CRISP2: variants seen among roughly 807,000 people sequenced by gnomAD.
CRISP2 encodes cysteine-rich secretory protein 2.
In CRISP2, 29 loss-of-function variants were observed where a neutral mutation model predicts 31.7. The observed-to-expected ratio is 0.92, with a 90% CI of 0.68 to 1.25. The LOEUF (loss-of-function observed/expected upper bound fraction) is 1.25, where lower values mean the gene tolerates loss of function less well. Ranked by LOEUF, CRISP2 falls within the 50% of genes most tolerant of loss-of-function variation. CRISP2 has a pLI of 0.00. For synonymous variants in CRISP2, 111 were observed against 101.4 expected (o/e 1.09, Z -0.57); for missense variants, 318 against 286.5 (o/e 1.11, Z -0.79).
chr6:49,680,075 G>T, the CRISP2 span, among the ~76,000 whole-genome samples: 2 of 152,078 alleles, frequency 1.3e-5, no homozygotes, highest in African/African-American at 2.4e-5. Context: ...ATAGCAGTTT[G>T]TTGTACAGAT....
At chr6:49,711,934 T>A (rs532556872) in intron 2 of CRISP2, among the ~76,000 whole-genome samples, 1 of 152,206 alleles carries the variant, frequency 6.6e-6, no homozygotes, top group Non-Finnish European at 1.5e-5. Flanking sequence ...AAATTATTCA[T>A]GTTTTTATTA....
At chr6:49,681,851 C>T in the CRISP2 span, among the ~76,000 whole-genome samples, 4 of 152,002 alleles carry the variant, frequency 2.6e-5, no homozygotes, top group African/African-American at 9.7e-5. Context: ...TTGCCCTTTC[C>T]ATTTGTCATA....
chr6:49,683,159 AAAATAAATAAAT>A, the CRISP2 span, among the ~76,000 whole-genome samples: 1,611 of 141,622 alleles, frequency 0.011, 26 homozygotes, highest in African/African-American at 0.038. Flanking sequence ...ACTCCATCTC[AAAATAAATAAAT>A]AAATAAATAA....
At chr6:49,708,079 A>C (rs1322884652) in intron 4 of CRISP2, among the ~76,000 whole-genome samples, 1 of 152,144 alleles carries the variant, frequency 6.6e-6, no homozygotes, top group African/African-American at 2.4e-5. Context: ...GTGTTAATAT[A>C]GTGGAGAAAT....
downstream of CRISP2, among the ~76,000 whole-genome samples, chr6:49,691,361 A>T (rs1269349138): frequency 1.3e-5 from 2 of 152,036 alleles, no homozygotes. Context: ...AGAAACGCTC[A>T]TCTTGTCAAA....
chr6:49,706,079 AC>A (rs1483125137), intron 4 of CRISP2, among the ~76,000 whole-genome samples: 1 of 152,190 alleles, frequency 6.6e-6, no homozygotes, highest in Non-Finnish European at 1.5e-5. Flanking sequence ...CAGCAAGGGA[AC>A]TTTTAATATG....
downstream of CRISP2, among the ~76,000 whole-genome samples, chr6:49,690,116 C>T (rs1764002023): frequency 6.6e-6 from 1 of 152,066 alleles, no homozygotes; most frequent in East Asian, 1.9e-4. Flanking sequence ...TTTTAATATT[C>T]TGTACCCTTA....
chr6:49,684,738 C>T, the CRISP2 span, among the ~76,000 whole-genome samples: 2 of 151,950 alleles, frequency 1.3e-5, no homozygotes, highest in Admixed American at 1.3e-4. Context: ...TTCTCAATAC[C>T]ATGGGGTTTA....
At chr6:49,690,805 T>C (rs1421453788), downstream of CRISP2, among the ~76,000 whole-genome samples, 2 of 152,058 alleles carry the variant, frequency 1.3e-5, no homozygotes, top group South Asian at 2.1e-4. Flanking sequence ...ATTATTATTG[T>C]AGAATGAAGG....
chr6:49,693,372 A>G (rs761345503), intron 9 of CRISP2, among the ~76,000 whole-genome samples: 15 of 152,202 alleles, frequency 9.9e-5, no homozygotes, highest in Admixed American at 2.6e-4. Flanking sequence ...TTAGTAGCAC[A>G]TGTTGATAGA....
At chr6:49,678,934 T>G in the CRISP2 span, among the ~76,000 whole-genome samples, 3 of 152,274 alleles carry the variant, frequency 2.0e-5, no homozygotes, top group East Asian at 3.9e-4. Flanking sequence ...GTTGGCTCTG[T>G]GGGATGTCCT....
chr6:49,685,987 A>G, the CRISP2 span, among the ~76,000 whole-genome samples: 10 of 151,906 alleles, frequency 6.6e-5, no homozygotes, highest in African/African-American at 2.2e-4. Context: ...CAACCAGCCC[A>G]CCCCATTCTC....
chr6:49,697,623 G>T, intron 8 of CRISP2: 1 of 1,113,734 alleles, frequency 9.0e-7, no homozygotes, highest in Non-Finnish European at 1.2e-6. Context: ...AAGGCCAATT[G>T]AAAGAAAAGA....
chr6:49,693,922 C>T (rs373388061), intron 9 of CRISP2, among the ~76,000 whole-genome samples: 27 of 152,200 alleles, frequency 1.8e-4, no homozygotes, highest in East Asian at 3.9e-4. Flanking sequence ...TTCCATCTTT[C>T]GAGGGCTGGT....
chr6:49,688,917 G>A (rs1478186154), downstream of CRISP2, among the ~76,000 whole-genome samples: 1 of 152,004 alleles, frequency 6.6e-6, no homozygotes, highest in Non-Finnish European at 1.5e-5. Context: ...TGCCCAGGCT[G>A]GAGTGCAATG....
upstream of CRISP2, among the ~76,000 whole-genome samples, chr6:49,713,887 C>T (rs1316003130): frequency 6.6e-6 from 1 of 152,138 alleles, no homozygotes; most frequent in African/African-American, 2.4e-5. Context: ...TAATGTAGTT[C>T]AATTTAAAGA....
the CRISP2 span, among the ~76,000 whole-genome samples, chr6:49,682,684 CTCTT>C: frequency 3.3e-4 from 47 of 143,952 alleles, no homozygotes; most frequent in African/African-American, 1.1e-3. Flanking sequence ...CTCTTTCTGT[CTCTT>C]TCTCTTTCTT....
At position 49,699,810 on chromosome 6, in the gene CRISP2, T is replaced by C; in HGVS notation, c.265A>G (p.Lys89Glu). 1 of 1,608,928 alleles carries C rather than the reference T, an allele frequency of 6.2e-7. No individual in the cohort carries two copies. The change falls in exon 6 of 10, where the codon AAA (lysine) becomes GAA (glutamate). Residue 89 changes from lysine (K) to glutamate (E), a missense_variant. Lys to Glu is a moderately conservative substitution (Grantham distance 56). Transcript: ENST00000339139. ...TLQHSDPEDR[K>E]TSTRCGENLY... ...TATTTACTAATTTACATACTGGTTT[T>C]GCGGTCCTCTGGATCACTATGTTGT...
At chr6:49,709,457 A>C (rs1352584235) in intron 3 of CRISP2, among the ~76,000 whole-genome samples, 3 of 152,190 alleles carry the variant, frequency 2.0e-5, no homozygotes, top group Non-Finnish European at 4.4e-5. Context: ...TCTATAAAAG[A>C]GAGAGACCTA....
Sources: allele counts gnomAD v4.1 joint callset (sites outside exome capture counted in the v4.1 genomes callset), GRCh38; gene constraint gnomAD v4.1.1; transcripts MANE v1.5; gene names NCBI Gene and HGNC (gene_info 2026-07-23, HGNC 2026-07-21).